NDUFAF1: variants seen among roughly 807,000 people sequenced by gnomAD.
NDUFAF1 encodes NADH:ubiquinone oxidoreductase complex assembly factor 1.
NDUFAF1 carries 18 observed loss-of-function variants against 28.7 expected under a neutral mutation model. That is an observed-to-expected ratio of 0.63 (90% CI 0.43 to 0.93). The LOEUF (loss-of-function observed/expected upper bound fraction) is 0.93, where lower values mean the gene tolerates loss of function less well. Ranked by LOEUF, NDUFAF1 falls within the 40% of genes least tolerant of loss-of-function variation. The probability of loss-of-function intolerance (pLI) is 0.00; values close to 1 mark genes in which losing one functional copy is unlikely to be tolerated. For missense variants in NDUFAF1, 404 were observed against 398.3 expected (o/e 1.01, Z -0.12); for synonymous variants, 113 against 139.7 (o/e 0.81, Z 1.35).
At chr15:41,399,782 G>C (rs1199257168) in intron 1 of NDUFAF1, among the ~76,000 whole-genome samples, 2 of 148,254 alleles carry the variant, frequency 1.3e-5, no homozygotes, top group Non-Finnish European at 3.0e-5. Context: ...CGTGAACCCG[G>C]GAGGCGGAGC....
chr15:41,398,045 CAGAA>C (rs1487161719), intron 1 of NDUFAF1, among the ~76,000 whole-genome samples: 6 of 123,892 alleles, frequency 4.8e-5, no homozygotes, highest in Admixed American at 3.2e-4. Context: ...AAAAAAAAAA[CAGAA>C]AGAAAGAAAA....
intron 3 of NDUFAF1, among the ~76,000 whole-genome samples, chr15:41,392,792 A>T (rs897183261): frequency 6.6e-6 from 1 of 152,126 alleles, no homozygotes; most frequent in African/African-American, 2.4e-5. Flanking sequence ...TACAGCTTAC[A>T]TGCTTAGGAG....
At chr15:41,400,900 A>G (rs986662955) in intron 1 of NDUFAF1, among the ~76,000 whole-genome samples, 1 of 151,410 alleles carries the variant, frequency 6.6e-6, no homozygotes, top group African/African-American at 2.4e-5. Context: ...CACAAATCCT[A>G]TGAAACAAGT....
At chr15:41,388,632 A>G (rs2050280115) in intron 3 of NDUFAF1, 110 bp from the exon 4 acceptor site, 2 of 759,814 alleles carry the variant, frequency 2.6e-6, no homozygotes, top group South Asian at 3.0e-5. Flanking sequence ...TATGTCATAT[A>G]TGTATTATGA....
upstream of NDUFAF1, among the ~76,000 whole-genome samples, chr15:41,403,025 C>T (rs1374087541): frequency 2.0e-5 from 3 of 151,898 alleles, no homozygotes; most frequent in South Asian, 4.2e-4. Context: ...CCACCAAGCC[C>T]GGCCCCCTGC....
At chr15:41,392,643 C>CT (rs1019717581) in intron 3 of NDUFAF1, among the ~76,000 whole-genome samples, 12 of 152,134 alleles carry the variant, frequency 7.9e-5, no homozygotes, top group African/African-American at 2.9e-4. Flanking sequence ...GATGTGTTTA[C>CT]TTCCCCTTCT....
intron 3 of NDUFAF1, among the ~76,000 whole-genome samples, 175 bp from the exon 4 acceptor site, chr15:41,388,697 T>TA (rs1363042243): frequency 6.6e-6 from 1 of 151,590 alleles, no homozygotes; most frequent in Admixed American, 6.6e-5. Flanking sequence ...GATAAAGGGT[T>TA]AACTATGAAA....
intron 1 of NDUFAF1, among the ~76,000 whole-genome samples, chr15:41,399,662 G>A (rs1251355799): frequency 7.8e-4 from 118 of 151,334 alleles, no homozygotes; most frequent in African/African-American, 2.6e-3. Flanking sequence ...AGACCATCCC[G>A]GCTAAAACGG....
chr15:41,388,317 C>G (rs944581742), intron 4 of NDUFAF1, 131 bp downstream of exon 4: 2 of 724,012 alleles, frequency 2.8e-6, no homozygotes, highest in African/African-American at 1.8e-5. Flanking sequence ...CAGCCTCTGG[C>G]TGGGTATAAG....
Position 41,396,895 on chromosome 15 carries a change from A to G in NDUFAF1, c.165T>C (p.Thr55=). ...SPGKASSQRK[T]EGDLQGDHQK... is the part of the protein sequence containing the mutation. ...GGTGATCTCCTTGCAAATCCCCTTC[A>G]GTCTTCCTCTGTGAGGAGGCTTTGC... Residue 55 remains threonine, a synonymous_variant, in exon 2 of 5, where the codon ACT becomes ACC. Coordinates refer to ENST00000260361, the MANE Select transcript of NDUFAF1 (RefSeq NM_016013.4). The G allele has an allele frequency of 6.2e-7, 1 of 1,614,138 alleles. No individual in the cohort carries two copies. The highest frequency in any genetic ancestry group is 8.5e-7 in the Non-Finnish European group (1 of 1,180,028).
intron 1 of NDUFAF1, among the ~76,000 whole-genome samples, chr15:41,400,071 A>C (rs911391882): frequency 1.3e-5 from 2 of 150,260 alleles, no homozygotes; most frequent in Non-Finnish European, 1.5e-5. Context: ...AAAATAAATA[A>C]ATAAAAATAA....
Position 41,396,924 on chromosome 15 carries a change from G to A in NDUFAF1, c.136C>T (p.Pro46Ser). Residue 46 changes from proline (P) to serine (S), a missense_variant, in exon 2 of 5, where the codon CCT (proline) becomes TCT (serine). Coordinates refer to ENST00000260361, the MANE Select transcript of NDUFAF1 (RefSeq NM_016013.4). ...TTCCTCTGTGAGGAGGCTTTGCCAG[G>A]AGAAGCCACTGGTTTCTGAAGACTA... is the stretch of plus-strand genomic sequence containing the variant. The part of the protein sequence containing the change: ...SSSLQKPVAS[P>S]GKASSQRKTE... 1.9e-6 allele frequency: 3 copies of A among 1,613,850 alleles called. No homozygotes were observed. The highest frequency in any genetic ancestry group is 1.7e-6 in the Non-Finnish European group (2 of 1,179,942).
intron 3 of NDUFAF1, among the ~76,000 whole-genome samples, chr15:41,392,000 G>GGAAGAT: frequency 6.6e-6 from 1 of 152,012 alleles, no homozygotes; most frequent in South Asian, 2.1e-4. Flanking sequence ...GAGGAGAGAT[G>GGAAGAT]GAAGATGAAG....
chr15:41,400,564 C>G (rs2050448390), intron 1 of NDUFAF1, among the ~76,000 whole-genome samples: 1 of 151,404 alleles, frequency 6.6e-6, no homozygotes, highest in South Asian at 2.1e-4. Flanking sequence ...ACTCTGTCAC[C>G]CAGGCTGGAG....
intron 2 of NDUFAF1, 93 bp from the exon 3 acceptor site, chr15:41,395,137 C>G: frequency 8.4e-7 from 1 of 1,187,210 alleles, no homozygotes; most frequent in Non-Finnish European, 1.2e-6. Context: ...ACAGGATGCA[C>G]TAACCATTTT....
chr15:41,396,882 G>A lies in NDUFAF1; in HGVS notation c.178C>T (p.Gln60Ter), dbSNP rs1304336520. Residue 60 changes from glutamine to a stop codon, truncating the protein, a stop_gained, in exon 2 of 5, where the codon CAA (glutamine) becomes TAA (stop). Transcript: ENST00000260361. LOFTEE classifies it high-confidence loss of function. ...GCAACTTCTTTCTGGTGATCTCCTT[G>A]CAAATCCCCTTCAGTCTTCCTCTGT... Reference protein sequence around the residue: ...SSQRKTEGDLQGDHQKEVALD... With the variant: ...SSQRKTEGDL 5 of 1,613,956 alleles carry A rather than the reference G, an allele frequency of 3.1e-6. No individual in the cohort carries two copies. Among genetic ancestry groups the A allele is most frequent in the Middle Eastern group, 1.6e-4 (1 of 6,084 alleles).
Position 41,402,218 on chromosome 15 carries a change from A to C in NDUFAF1, c.-156T>G. ...CTGAGAGAGGTACTATTATTATTTCAATTATAGAGACGAAGAAACTGACGT... is the reference window on the plus strand; with the variant it reads ...CTGAGAGAGGTACTATTATTATTTCCATTATAGAGACGAAGAAACTGACGT... On this transcript the variant is annotated 5_prime_UTR_variant, in exon 1 of 5. The change creates a new upstream start codon in the 5' untranslated region. Transcript: ENST00000260361. The C allele has an allele frequency of 2.2e-6, 1 of 454,084 alleles. No individual in the cohort carries two copies. The highest frequency in any genetic ancestry group is 1.6e-5 in the South Asian group (1 of 64,476). 28.1% of individuals were successfully genotyped at this position (454,084 alleles called of 1,614,324 possible). A position where few individuals can be genotyped will look rare whatever the true frequency, so the allele number is the denominator to read the frequency against.
upstream of NDUFAF1, among the ~76,000 whole-genome samples, chr15:41,402,727 T>TC (rs2050482399): frequency 6.9e-6 from 1 of 144,800 alleles, no homozygotes; most frequent in Non-Finnish European, 1.5e-5. Flanking sequence ...CATCCCTGCG[T>TC]CTTTTTTTTT....
At chr15:41,397,918 A>G (rs1260863941) in intron 1 of NDUFAF1, among the ~76,000 whole-genome samples, 2 of 148,282 alleles carry the variant, frequency 1.3e-5, no homozygotes, top group African/African-American at 5.0e-5. Flanking sequence ...CCAGCTACTA[A>G]GGAGGCTGAG....
Sources: allele counts gnomAD v4.1 joint callset (sites outside exome capture counted in the v4.1 genomes callset), GRCh38; gene constraint gnomAD v4.1.1; transcripts MANE v1.5; gene names NCBI Gene and HGNC (gene_info 2026-07-23, HGNC 2026-07-21).